Variants in NR1I3 observed in about 807,000 individuals in gnomAD.
The protein encoded by NR1I3 is nuclear receptor subfamily 1 group I member 3.
NR1I3 carries 30 observed loss-of-function variants against 38.4 expected under a neutral mutation model. That is an observed-to-expected ratio of 0.78 (90% CI 0.58 to 1.06). NR1I3 has a LOEUF of 1.06. Among genes scored for constraint, NR1I3 ranks in the 50% least tolerant of loss-of-function variants. The pLI is 0.00. For missense variants in NR1I3, 388 were observed against 435.7 expected (o/e 0.89, Z 0.97); for synonymous variants, 143 against 165.1 (o/e 0.87, Z 1.03).
rs1367179000 is a variant in NR1I3, at chr1:161,233,309, G to A, written c.268C>T (p.Arg90Trp). The A allele has an allele frequency of 8.7e-6, 14 of 1,613,884 alleles. No individual in the cohort carries two copies. Among genetic ancestry groups the A allele is most frequent in the Admixed American group, 8.3e-5 (5 of 59,994 alleles). The change falls in exon 4 of 9, where the codon CGG becomes TGG. Residue 90 changes from arginine (R) to tryptophan (W), a missense_variant. Coordinates refer to ENST00000367983, the MANE Select transcript of NR1I3 (RefSeq NM_005122.5). ...CGCCGCTGGGCCTGCTTTGCTCGCC[G>A]CAATGCCAGGGCTTCTGCCGACAGT... ...MILSAEALAL[R>W]RAKQAQRRAQ...
At position 161,232,963 on chromosome 1, in the gene NR1I3, A is replaced by G; in HGVS notation, c.409-17T>C. 1 of 1,613,944 alleles carries G rather than the reference A, an allele frequency of 6.2e-7. No homozygotes were observed. The highest frequency in any genetic ancestry group is 8.5e-7 in the Non-Finnish European group (1 of 1,179,890). The stretch of plus-strand genomic sequence containing the variant: ...AGCTGGAGGCTGCAATGATCAGAAC[A>G]TTAGCTAGAGGCTCTGGCCCTAGGG... On this transcript the variant is annotated splice_polypyrimidine_tract_variant and intron_variant, in intron 4 of 8. Transcript: ENST00000367983.
intron 3 of NR1I3, chr1:161,235,389 C>T (rs2501872): frequency 0.29 from 43,830 of 150,154 alleles, 6,474 homozygotes; most frequent in East Asian, 0.32. Flanking sequence ...CTCAGCCTCC[C>T]GAGTAGCTGG....
chr1:161,231,390 A>T lies in NR1I3; in HGVS notation c.633T>A (p.Cys211Ter). 6.4e-7 allele frequency: 1 copy of T among 1,563,848 alleles called. No homozygotes were observed. The change falls in exon 6 of 9, where the codon TGT becomes TGA. Residue 211 changes from cysteine to a stop codon, truncating the protein, a stop_gained. Coordinates refer to ENST00000367983, the MANE Select transcript of NR1I3 (RefSeq NM_005122.5). LOFTEE classifies it high-confidence loss of function. The part of the protein sequence containing the change: ...ICHIVLNTTF[C>*]LQTQNFLCGP... ...CGCAGAGGAAGTTTTGTGTTTGGAG[A>T]CAGAAAGTGGTATTGAGTACGATGT...
chr1:161,236,341 G>A, intron 2 of NR1I3, 118 bp downstream of exon 2: 1 of 1,237,598 alleles, frequency 8.1e-7, no homozygotes, highest in Admixed American at 2.3e-5. Context: ...AGGGTAGTTA[G>A]ACTCTAAGAT....
Position 161,229,750 on chromosome 1 carries a change from G to A in NR1I3, c.*47C>T, listed in dbSNP as rs1050782057. ...GGTCCCAGCATTTTCCCACTCCAGT[G>A]TATCCAGGGTGTTCCAGGTGAGCTG... On this transcript the variant is annotated 3_prime_UTR_variant, in exon 9 of 9. Coordinates refer to ENST00000367983, the MANE Select transcript of NR1I3 (RefSeq NM_005122.5). 1 of 1,614,130 alleles carries A rather than the reference G, an allele frequency of 6.2e-7. No homozygotes were observed. Among genetic ancestry groups the A allele is most frequent in the African/African-American group, 1.3e-5 (1 of 74,942 alleles).
intron 8 of NR1I3, 47 bp from the exon 9 acceptor site, chr1:161,229,973 G>A (rs1219984172): frequency 1.2e-6 from 2 of 1,610,442 alleles, no homozygotes; most frequent in Non-Finnish European, 1.7e-6. Context: ...AGGGAAATAA[G>A]GCAGTTGGGA....
intron 3 of NR1I3, 136 bp downstream of exon 3, chr1:161,235,711 T>C (rs551575875): frequency 9.4e-7 from 1 of 1,063,232 alleles, no homozygotes; most frequent in African/African-American, 1.6e-5. Context: ...CCATTGGATG[T>C]CTTGAGTGAA....
At chr1:161,236,716 A>G (rs1351365938) in intron 1 of NR1I3, 118 bp from the exon 2 acceptor site, 9 of 914,226 alleles carry the variant, frequency 9.8e-6, no homozygotes, top group Non-Finnish European at 1.2e-5. Flanking sequence ...CCCTGGCGTT[A>G]TCTTTTGTGG....
intron 3 of NR1I3, 52 bp downstream of exon 3, chr1:161,235,795 G>A: frequency 1.9e-6 from 3 of 1,611,100 alleles, no homozygotes; most frequent in East Asian, 2.2e-5. Context: ...TGGGAACAAG[G>A]ACAAAGACAG....
chr1:161,231,351 G>A lies in NR1I3; in HGVS notation c.672C>T (p.Tyr224=). 6.4e-7 allele frequency: 1 copy of A among 1,572,988 alleles called. No homozygotes were observed. The highest frequency in any genetic ancestry group is 8.6e-7 in the Non-Finnish European group (1 of 1,161,506). Residue 224 remains tyrosine, a synonymous_variant, in exon 6 of 9, where the codon TAC becomes TAT. Coordinates refer to ENST00000367983, the MANE Select transcript of NR1I3 (RefSeq NM_005122.5). ...TQNFLCGPLR[Y]TIEDGARVGF... ...CACCACGGGCTCCATCTTCAATTGT[G>A]TAGCGAAGAGGCCCGCAGAGGAAGT...
At chr1:161,233,471 T>C (rs1667810576) in intron 3 of NR1I3, 133 bp from the exon 4 acceptor site, 2 of 935,354 alleles carry the variant, frequency 2.1e-6, no homozygotes, top group South Asian at 3.2e-5. Context: ...TTCCTGAGAC[T>C]TTCTTGGGCT....
chr1:161,229,942 T>A lies in NR1I3; in HGVS notation c.918-16A>T. Reference sequence around the variant, plus strand: ...ATACAGAAACCTTTGGAGGAAGTAGTGGGGTTGCCAGGAAAACAGGAGGGA... The same window carrying A: ...ATACAGAAACCTTTGGAGGAAGTAGAGGGGTTGCCAGGAAAACAGGAGGGA... On this transcript the variant is annotated splice_polypyrimidine_tract_variant and intron_variant, in intron 8 of 8. Coordinates refer to ENST00000367983, the MANE Select transcript of NR1I3 (RefSeq NM_005122.5). 6.2e-7 allele frequency: 1 copy of A among 1,613,918 alleles called. No homozygotes were observed. The highest frequency in any genetic ancestry group is 8.5e-7 in the Non-Finnish European group (1 of 1,179,936).
At position 161,238,067 on chromosome 1, in the gene NR1I3, T is replaced by C. The variant is rs764563799; in HGVS notation, c.-60A>G. On this transcript the variant is annotated 5_prime_UTR_variant, in exon 1 of 9. Coordinates refer to ENST00000367983, the MANE Select transcript of NR1I3 (RefSeq NM_005122.5). ...TGCTTCTCTTAGGCAGCATGTCACC[T>C]GCAGGCCACAGAATCTGGTATGGAA... 2 of 1,614,034 alleles carry C rather than the reference T, an allele frequency of 1.2e-6. No homozygotes were observed. Among genetic ancestry groups the C allele is most frequent in the Non-Finnish European group, 8.5e-7 (1 of 1,179,868 alleles).
At chr1:161,236,237 G>T (rs1668585155) in intron 2 of NR1I3, 1 of 653,496 alleles carries the variant, frequency 1.5e-6, no homozygotes, top group Admixed American at 3.0e-5. Context: ...CTTGACTAAT[G>T]GGCTGTGTCC....
Position 161,229,910 on chromosome 1 carries a change from A to G in NR1I3, c.934T>C (p.Leu312=), listed in dbSNP as rs768226364. Residue 312 remains leucine, a synonymous_variant, in exon 9 of 9, where the codon TTG becomes CTG. Coordinates refer to ENST00000367983, the MANE Select transcript of NR1I3 (RefSeq NM_005122.5). ...CGGAGCTCAGCCAGCAGGCCTAGCAACTTCGCATACAGAAACCTTTGGAGG... is the reference window on the plus strand; with the variant it reads ...CGGAGCTCAGCCAGCAGGCCTAGCAGCTTCGCATACAGAAACCTTTGGAGG... ...RPRDRFLYAK[L]LGLLAELRSI... 2 of 1,614,214 alleles carry G rather than the reference A, an allele frequency of 1.2e-6. No individual in the cohort carries two copies. The highest frequency in any genetic ancestry group is 4.5e-5 in the East Asian group (2 of 44,888).
intron 2 of NR1I3, 144 bp downstream of exon 2, chr1:161,236,315 G>A (rs1308159856): frequency 3.0e-5 from 29 of 967,304 alleles, no homozygotes; most frequent in Non-Finnish European, 6.1e-6. Context: ...TTGGCAAGAT[G>A]TAGGATGCCA....
At chr1:161,232,396 C>G (rs1386533430) in intron 5 of NR1I3, among the ~76,000 whole-genome samples, 1 of 152,180 alleles carries the variant, frequency 6.6e-6, no homozygotes, top group Non-Finnish European at 1.5e-5. Context: ...CTCCTGGGCT[C>G]AAGTGATCCT....
rs2307425 is a variant in NR1I3 at position 161,233,328 on chromosome 1, C to T, written c.249G>A (p.Ser83=). 4.4e-5 allele frequency: 71 copies of T among 1,613,538 alleles called. No homozygotes were observed. Among genetic ancestry groups the T allele is most frequent in the Non-Finnish European group, 5.6e-5 (66 of 1,179,984 alleles). ...CTCGCCGCAATGCCAGGGCTTCTGCCGACAGTATCACTGTGCCAGGCAAGA... is the reference window on the plus strand; with the variant it reads ...CTCGCCGCAATGCCAGGGCTTCTGCTGACAGTATCACTGTGCCAGGCAAGA... ...DAGMRKDMIL[S]AEALALRRAK... The change falls in exon 4 of 9, where the codon TCG becomes TCA. Residue 83 remains serine, a synonymous_variant. Coordinates refer to ENST00000367983, the MANE Select transcript of NR1I3 (RefSeq NM_005122.5).
intron 3 of NR1I3, chr1:161,235,609 T>C: frequency 4.7e-6 from 2 of 421,154 alleles, no homozygotes; most frequent in South Asian, 4.3e-5. Flanking sequence ...GTGGCTAGAA[T>C]TGGTTGAGTA....
Sources: gnomAD v4.1 joint callset for allele counts (sites outside exome capture counted in the v4.1 genomes callset) on GRCh38, gnomAD v4.1.1 for gene constraint, MANE v1.5 for transcripts, NCBI Gene and HGNC (gene_info 2026-07-23, HGNC 2026-07-21) for gene names.